Variants in PRTFDC1 observed in about 807,000 individuals in gnomAD.
PRTFDC1 encodes the protein phosphoribosyltransferase domain-containing protein 1.
A neutral mutation model predicts 34.6 loss-of-function variants in PRTFDC1; 38 were observed. The observed-to-expected ratio is 1.10, with a 90% CI of 0.85 to 1.44. PRTFDC1 has a LOEUF of 1.44. Among genes scored for constraint, PRTFDC1 ranks in the 40% most tolerant of loss-of-function variants. The pLI is 0.00. For missense variants in PRTFDC1, 270 were observed against 283.0 expected, an observed-to-expected ratio of 0.95 and a Z score of 0.33; for synonymous variants, 93 against 98.1, an observed-to-expected ratio of 0.95 and a Z score of 0.31.
chr10:24,916,129 T>C (rs10828723), intron 3 of PRTFDC1, among the ~76,000 whole-genome samples: 39,707 of 152,034 alleles, frequency 0.26, 5,970 homozygotes, highest in Non-Finnish European at 0.35. Context: ...CATGTCAATG[T>C]CCACTAATGT....
chr10:24,895,694 T>TATAA lies in PRTFDC1; in HGVS notation c.340-23632_340-23631insTTAT, dbSNP rs1848346440. ...GAGGGCAAGAGCTGGGGTGGATATA[T>TATAA]ATATATATATATATATATATATATA... On this transcript the variant is annotated intron_variant, in intron 3 of 8. Coordinates refer to ENST00000320152, the MANE Select transcript of PRTFDC1 (RefSeq NM_020200.7). 1.7e-5 allele frequency among the ~76,000 whole-genome samples: 2 copies of TATAA among 115,240 alleles called. 1 individual carries two copies. The highest frequency in any genetic ancestry group is 7.6e-5 in the African/African-American group (2 of 26,272). The allele number at this position is 115,240 out of a possible 152,430, so 75.6% of individuals were successfully genotyped here.
intron 3 of PRTFDC1, among the ~76,000 whole-genome samples, chr10:24,901,017 T>G (rs1474032037): frequency 6.6e-6 from 1 of 152,210 alleles, no homozygotes; most frequent in Non-Finnish European, 1.5e-5. Flanking sequence ...ACAAAGCAAG[T>G]ACAACTCAGA....
At position 24,933,081 on chromosome 10, in the gene PRTFDC1, G is replaced by A. The variant is rs184736820; in HGVS notation, c.339+4103C>T. Among the ~76,000 whole-genome samples the A allele has an allele frequency of 5.8e-4, 88 of 151,810 alleles. No homozygotes were observed. The South Asian group carries it at 6.4e-3, about 11-fold the overall frequency. ...TGCAAAAATGAAAAGAAAAGGAATC[G>A]CAATCCATACCTTATATCGTAGTAA... On this transcript the variant is annotated intron_variant, in intron 3 of 8. Transcript: ENST00000320152.
intron 1 of PRTFDC1, among the ~76,000 whole-genome samples, chr10:24,951,955 A>G (rs1448532882): frequency 6.6e-6 from 1 of 152,146 alleles, no homozygotes; most frequent in Non-Finnish European, 1.5e-5. Flanking sequence ...GCCATAGGTC[A>G]CTCAGGAGCC....
At position 24,939,256 on chromosome 10, in the gene PRTFDC1, G is replaced by A. The variant is rs568881449; in HGVS notation, c.156-1889C>T. Among the ~76,000 whole-genome samples, 6 of 141,998 alleles carry A rather than the reference G, an allele frequency of 4.2e-5. No homozygotes were observed. In the South Asian group the frequency reaches 1.4e-3, roughly 33 times the overall value. 93.2% of individuals were successfully genotyped at this position (141,998 alleles called of 152,430 possible). On this transcript the variant is annotated intron_variant, in intron 2 of 8. Transcript: ENST00000320152. ...GCGGAGGTTGCAGTAAGCCCAGACT[G>A]TGCTATTGCACTCCAGTCTGGGTGA...
rs10651020 is a variant in PRTFDC1 at position 24,882,204 on chromosome 10, C to CAAAAAAAAAAA, written c.340-10152_340-10142dup. Among the ~76,000 whole-genome samples, 11 of 107,392 alleles carry CAAAAAAAAAAA rather than the reference C, an allele frequency of 1.0e-4. 1 individual carries two copies. The highest frequency in any genetic ancestry group is 3.5e-4 in the South Asian group (1 of 2,872). The allele number at this position is 107,392 out of a possible 152,430, so 70.5% of individuals were successfully genotyped here. A position where few individuals can be genotyped will look rare whatever the true frequency, so the allele number is the denominator to read the frequency against. ...CCTGGGTGACAGAGCGGATCTGCCT[C>CAAAAAAAAAAA]AAAAAAAAAAAAAAAGAAAAGAAAA... On this transcript the variant is annotated intron_variant, in intron 3 of 8. Transcript: ENST00000320152.
Position 24,951,654 on chromosome 10 carries a change from T to C in PRTFDC1, c.48+874A>G, listed in dbSNP as rs942471767. On this transcript the variant is annotated intron_variant, in intron 1 of 8. Coordinates refer to ENST00000320152, the MANE Select transcript of PRTFDC1 (RefSeq NM_020200.7). The stretch of plus-strand genomic sequence containing the variant: ...GCCCCACCCACCATCCTCACCACCA[T>C]TGAGTTTCACACTGAACCTGACACA... The C allele has an allele frequency of 1.1e-5, 11 of 971,554 alleles. No homozygotes were observed. The African/African-American group carries it at 1.4e-4, about 12-fold the overall frequency. 60.2% of individuals were successfully genotyped at this position (971,554 alleles called of 1,614,324 possible).
intron 3 of PRTFDC1, among the ~76,000 whole-genome samples, chr10:24,895,011 C>T (rs1433133104): frequency 3.9e-5 from 6 of 152,102 alleles, no homozygotes; most frequent in Admixed American, 2.0e-4. Flanking sequence ...CTGGGCTTGG[C>T]TTCCCAGACA....
intron 3 of PRTFDC1, among the ~76,000 whole-genome samples, chr10:24,876,954 G>T (rs1847976995): frequency 6.6e-6 from 1 of 151,588 alleles, no homozygotes; most frequent in Non-Finnish European, 1.5e-5. Context: ...TTTCCCACTG[G>T]GATGGTGAAG....
chr10:24,882,953 A>G (rs1406397357), intron 3 of PRTFDC1, among the ~76,000 whole-genome samples: 1 of 150,936 alleles, frequency 6.6e-6, no homozygotes, highest in Non-Finnish European at 1.5e-5. Flanking sequence ...TAAAGGATAC[A>G]GTTTTCAAGT....
At chr10:24,910,754 A>C (rs1848613924) in intron 3 of PRTFDC1, among the ~76,000 whole-genome samples, 1 of 152,234 alleles carries the variant, frequency 6.6e-6, no homozygotes, top group Non-Finnish European at 1.5e-5. Context: ...AAAACTCAAT[A>C]CAATTTACAA....
intron 3 of PRTFDC1, among the ~76,000 whole-genome samples, chr10:24,909,617 A>G (rs183422653): frequency 6.6e-6 from 1 of 152,346 alleles, no homozygotes; most frequent in Non-Finnish European, 1.5e-5. Context: ...TAGGAAAAAA[A>G]TCCCCTTGTT....
intron 2 of PRTFDC1, among the ~76,000 whole-genome samples, chr10:24,938,585 G>A (rs1410973849): frequency 6.6e-6 from 1 of 152,200 alleles, no homozygotes; most frequent in Non-Finnish European, 1.5e-5. Flanking sequence ...TGGTGGCAGG[G>A]CTCCACTATC....
intron 3 of PRTFDC1, among the ~76,000 whole-genome samples, chr10:24,875,471 A>G (rs1847946906): frequency 6.6e-6 from 1 of 152,110 alleles, no homozygotes; most frequent in African/African-American, 2.4e-5. Flanking sequence ...CAGCTTTTTT[A>G]TATTACACAT....
At chr10:24,901,542 T>C (rs1848449969) in intron 3 of PRTFDC1, among the ~76,000 whole-genome samples, 1 of 151,930 alleles carries the variant, frequency 6.6e-6, no homozygotes, top group Non-Finnish European at 1.5e-5. Flanking sequence ...CTGGGCAACA[T>C]AGCAAGACTC....
intron 3 of PRTFDC1, among the ~76,000 whole-genome samples, chr10:24,881,802 G>C (rs1342412497): frequency 1.3e-5 from 2 of 152,102 alleles, no homozygotes; most frequent in African/African-American, 4.8e-5. Flanking sequence ...TGCACTGAGG[G>C]CCCTGGAGTT....
intron 1 of PRTFDC1, among the ~76,000 whole-genome samples, chr10:24,951,776 G>C (rs796310039): frequency 6.6e-5 from 10 of 152,280 alleles, no homozygotes; most frequent in African/African-American, 2.2e-4. Flanking sequence ...CACACTGAGA[G>C]ATGGGTACCC....
chr10:24,855,805 T>C (rs914948345), intron 6 of PRTFDC1, among the ~76,000 whole-genome samples: 2 of 150,190 alleles, frequency 1.3e-5, no homozygotes, highest in African/African-American at 4.9e-5. Context: ...AAAAAGCAGA[T>C]AAAATATAAA....
chr10:24,914,918 G>A (rs1457608198), intron 3 of PRTFDC1, among the ~76,000 whole-genome samples: 1 of 152,050 alleles, frequency 6.6e-6, no homozygotes, highest in Non-Finnish European at 1.5e-5. Context: ...CCTTCCATAT[G>A]CCATCCAATT....
Sources: allele counts gnomAD v4.1 joint callset (sites outside exome capture counted in the v4.1 genomes callset), GRCh38; gene constraint gnomAD v4.1.1; transcripts MANE v1.5; gene names NCBI Gene and HGNC (gene_info 2026-07-23, HGNC 2026-07-21).